Variants in AFG1L observed in about 807,000 individuals in gnomAD.
AFG1L encodes the protein AFG1 like ATPase, also known as AFG1-like ATPase.
AFG1L carries 53 observed loss-of-function variants against 62.2 expected under a neutral mutation model. That is an observed-to-expected ratio of 0.85 (90% CI 0.68 to 1.07). The LOEUF (loss-of-function observed/expected upper bound fraction) is 1.07. Among genes scored for constraint, AFG1L ranks in the 50% least tolerant of loss-of-function variants. The pLI is 0.00. For missense variants in AFG1L, 555 were observed against 590.5 expected, an observed-to-expected ratio of 0.94 and a Z score of 0.62; for synonymous variants, 228 against 210.3, an observed-to-expected ratio of 1.08 and a Z score of -0.73.
At position 108,509,238 on chromosome 6, in the gene AFG1L, T is replaced by G. The variant is rs576580551; in HGVS notation, c.1063-974T>G. Among the ~76,000 whole-genome samples, 162 of 152,328 alleles carry G rather than the reference T, an allele frequency of 1.1e-3. 3 individuals are homozygous for G. Among genetic ancestry groups the G allele is most frequent in the African/African-American group, 3.7e-3 (155 of 41,576 alleles). On this transcript the variant is annotated intron_variant, in intron 10 of 12. Transcript: ENST00000368977. ...CACTTTACATCTGTAGGTGGCACTT[T>G]TGTGAATAATATTGTGGACCTTGAG...
intron 10 of AFG1L, among the ~76,000 whole-genome samples, chr6:108,493,923 G>T (rs1307609579): frequency 1.3e-5 from 2 of 152,024 alleles, no homozygotes; most frequent in Admixed American, 1.3e-4. Flanking sequence ...TGCAACCTCC[G>T]CCCTTCAGGT....
intron 2 of AFG1L, among the ~76,000 whole-genome samples, chr6:108,329,733 G>A (rs943962513): frequency 6.6e-6 from 1 of 152,064 alleles, no homozygotes; most frequent in Admixed American, 6.6e-5. Flanking sequence ...ACACTGATAT[G>A]CCAATTATCA....
chr6:108,304,793 T>G (rs141295629), intron 1 of AFG1L, among the ~76,000 whole-genome samples: 1 of 152,246 alleles, frequency 6.6e-6, no homozygotes, highest in Non-Finnish European at 1.5e-5. Context: ...GTGAAGCTCC[T>G]TTATTCCATA....
intron 3 of AFG1L, among the ~76,000 whole-genome samples, chr6:108,349,786 G>GT (rs1348992275): frequency 1.3e-5 from 2 of 151,910 alleles, no homozygotes; most frequent in Non-Finnish European, 2.9e-5. Context: ...GCATGGTGGT[G>GT]TGTGCCTGTG....
chr6:108,439,268 T>C (rs1409136578), intron 7 of AFG1L, among the ~76,000 whole-genome samples: 1 of 152,220 alleles, frequency 6.6e-6, no homozygotes, highest in Non-Finnish European at 1.5e-5. Context: ...ACGCTATATC[T>C]TATTCATCAT....
At chr6:108,471,564 G>T (rs1226486323) in intron 8 of AFG1L, among the ~76,000 whole-genome samples, 2 of 145,840 alleles carry the variant, frequency 1.4e-5, no homozygotes, top group Non-Finnish European at 3.0e-5. Context: ...AGGTTCAAGT[G>T]ATTCTCCTGC....
At chr6:108,507,763 G>A (rs1346138771) in intron 10 of AFG1L, among the ~76,000 whole-genome samples, 1 of 152,198 alleles carries the variant, frequency 6.6e-6, no homozygotes, top group African/African-American at 2.4e-5. Flanking sequence ...GAGCATGAGA[G>A]TCTTAATGTA....
rs1161443697 is a variant in AFG1L, at chr6:108,314,138, G to A, written c.140-9687G>A. Among the ~76,000 whole-genome samples, 4 of 151,950 alleles carry A rather than the reference G, an allele frequency of 2.6e-5. No homozygotes were observed. The East Asian group carries it at 7.8e-4, about 30-fold the overall frequency. ...CCCAGCTACTTAGGAGGTTGAGGTGGGAAAATTGCTTGAACCCGGAAGGTG... is the reference window on the plus strand; with the variant it reads ...CCCAGCTACTTAGGAGGTTGAGGTGAGAAAATTGCTTGAACCCGGAAGGTG... On this transcript the variant is annotated intron_variant, in intron 1 of 12. Transcript: ENST00000368977.
At chr6:108,442,221 G>A (rs17369080) in intron 7 of AFG1L, among the ~76,000 whole-genome samples, 177 of 151,270 alleles carry the variant, frequency 1.2e-3, no homozygotes, top group African/African-American at 2.0e-3. Flanking sequence ...CTGAGCTCTC[G>A]CAATTATAGC....
chr6:108,414,453 G>A (rs777789784), intron 7 of AFG1L, among the ~76,000 whole-genome samples: 19 of 152,056 alleles, frequency 1.2e-4, no homozygotes, highest in Non-Finnish European at 2.1e-4. Flanking sequence ...ACCAAAGCCC[G>A]GCAGAGACAC....
intron 7 of AFG1L, among the ~76,000 whole-genome samples, chr6:108,422,882 C>T (rs2114693461): frequency 6.6e-6 from 1 of 152,082 alleles, no homozygotes; most frequent in Admixed American, 6.6e-5. Flanking sequence ...TCTTTCAAGC[C>T]ACAATGCTCT....
At chr6:108,406,267 A>G (rs1193435336) in intron 7 of AFG1L, among the ~76,000 whole-genome samples, 2 of 150,138 alleles carry the variant, frequency 1.3e-5, no homozygotes, top group South Asian at 4.2e-4. Context: ...CAAGCATTCC[A>G]GTTTCTCTGC....
intron 8 of AFG1L, among the ~76,000 whole-genome samples, chr6:108,463,358 T>C (rs1772540312): frequency 6.7e-6 from 1 of 150,226 alleles, no homozygotes; most frequent in African/African-American, 2.4e-5. Flanking sequence ...TGACCATCTT[T>C]TTCTCCTGAA....
chr6:108,330,209 C>G (rs1039253063), intron 2 of AFG1L, among the ~76,000 whole-genome samples: 2 of 138,178 alleles, frequency 1.4e-5, no homozygotes, highest in Non-Finnish European at 3.1e-5. Context: ...GCGACTGAGT[C>G]TCACTCTGTT....
At chr6:108,444,666 T>A (rs1478508756) in intron 7 of AFG1L, among the ~76,000 whole-genome samples, 3 of 152,220 alleles carry the variant, frequency 2.0e-5, no homozygotes, top group Admixed American at 2.0e-4. Context: ...TGGATTGTCA[T>A]GAGCAGTAAT....
intron 2 of AFG1L, among the ~76,000 whole-genome samples, chr6:108,326,376 C>G (rs1778043773): frequency 6.6e-6 from 1 of 152,160 alleles, no homozygotes; most frequent in African/African-American, 2.4e-5. Flanking sequence ...CAGCCTATGT[C>G]TTTCTTTAGC....
At chr6:108,440,828 G>C (rs1431964090) in intron 7 of AFG1L, among the ~76,000 whole-genome samples, 1 of 135,330 alleles carries the variant, frequency 7.4e-6, no homozygotes, top group East Asian at 2.0e-4. Flanking sequence ...CTCAAAAAAA[G>C]AAAAAAGGAA....
intron 1 of AFG1L, 142 bp downstream of exon 1, chr6:108,295,360 C>T: frequency 2.2e-6 from 2 of 926,384 alleles, no homozygotes; most frequent in South Asian, 1.7e-5. Flanking sequence ...TTCCATTTCT[C>T]TTGACCTTTT....
chr6:108,368,145 A>G (rs1779836552), intron 6 of AFG1L, among the ~76,000 whole-genome samples: 1 of 151,634 alleles, frequency 6.6e-6, no homozygotes, highest in Non-Finnish European at 1.5e-5. Flanking sequence ...TTTTTATTGA[A>G]GTATTTTTTA....
Sources: gnomAD v4.1 joint callset for allele counts (sites outside exome capture counted in the v4.1 genomes callset) on GRCh38, gnomAD v4.1.1 for gene constraint, MANE v1.5 for transcripts, NCBI Gene and HGNC (gene_info 2026-07-23, HGNC 2026-07-21) for gene names.